The following SLC2A9 variants were observed in gnomAD, a reference collection of about 807,000 sequenced individuals.
SLC2A9 encodes solute carrier family 2 member 9, also known as solute carrier family 2, facilitated glucose transporter member 9.
SLC2A9 carries 39 observed loss-of-function variants against 50.6 expected under a neutral mutation model. The ratio of observed to expected loss-of-function variants is 0.77; its 90% CI spans 0.60 to 1.01. The LOEUF is 1.01. SLC2A9 is among the 50% of genes least tolerant of loss of function. The pLI is 0.00. For missense variants in SLC2A9, 686 were observed against 677.6 expected, an observed-to-expected ratio of 1.01 and a Z score of -0.14; for synonymous variants, 324 against 276.9, an observed-to-expected ratio of 1.17 and a Z score of -1.69.
In SLC2A9 at chr4:10,019,058, G is replaced by T. The variant is rs1220272744; in HGVS notation, c.166C>A (p.Leu56Ile). Residue 56 changes from leucine (L) to isoleucine (I), a missense_variant, in exon 2 of 12, where the codon CTC becomes ATC. Physicochemically the swap from Leu to Ile is conservative, Grantham distance 5 (BLOSUM62 2). Transcript: ENST00000264784. Reference sequence around the variant, plus strand: ...GCGCCCGCGAGGGAGGCCACGAGGAGCGAGCAGGACCAGTCCTGAGGGGAG... The same window carrying T: ...GCGCCCGCGAGGGAGGCCACGAGGATCGAGCAGGACCAGTCCTGAGGGGAG... The part of the protein sequence containing the change: ...GRRRKDWSCS[L>I]LVASLAGAFG... 6.4e-7 allele frequency: 1 copy of T among 1,551,236 alleles called. No individual in the cohort carries two copies. Among genetic ancestry groups the T allele is most frequent in the Middle Eastern group, 1.7e-4 (1 of 5,728 alleles).
intron 10 of SLC2A9, among the ~76,000 whole-genome samples, chr4:9,876,235 C>T (rs1482258225): frequency 6.6e-6 from 1 of 152,132 alleles, no homozygotes; most frequent in Non-Finnish European, 1.5e-5. Context: ...GTTGTTCGTC[C>T]CAAGGGGCCT....
chr4:9,966,866 T>C (rs990640266), intron 5 of SLC2A9, among the ~76,000 whole-genome samples: 5 of 152,228 alleles, frequency 3.3e-5, no homozygotes, highest in Admixed American at 2.6e-4. Flanking sequence ...GGTTTCCTTT[T>C]GCACACATTA....
intron 3 of SLC2A9, among the ~76,000 whole-genome samples, chr4:9,819,935 AAAC>A (rs1033080064): frequency 3.9e-5 from 6 of 152,336 alleles, no homozygotes; most frequent in South Asian, 2.1e-4. Flanking sequence ...CTCCGTCTCA[AAAC>A]AACAACAACA....
At chr4:10,025,753 T>C (rs1254385841), upstream of SLC2A9, 13 of 687,054 alleles carry the variant, frequency 1.9e-5, no homozygotes, top group Non-Finnish European at 3.0e-5. Flanking sequence ...CCATGGCTCC[T>C]TCCCATAGAA....
At chr4:9,914,914 G>C (rs1742569148) in intron 7 of SLC2A9, among the ~76,000 whole-genome samples, 1 of 152,176 alleles carries the variant, frequency 6.6e-6, no homozygotes, top group Non-Finnish European at 1.5e-5. Context: ...TTTAAGAGTG[G>C]CCAGAAAATG....
intron 4 of SLC2A9, among the ~76,000 whole-genome samples, 187 bp downstream of exon 4, chr4:9,985,482 A>G (rs941594371): frequency 2.0e-5 from 3 of 152,154 alleles, no homozygotes; most frequent in African/African-American, 7.2e-5. Flanking sequence ...GGGCTAGAGC[A>G]TCATGAATGG....
intron 10 of SLC2A9, among the ~76,000 whole-genome samples, chr4:9,869,153 A>G (rs1429471878): frequency 6.6e-6 from 1 of 152,236 alleles, no homozygotes. Context: ...CAGAGACAGT[A>G]TAAGTCGGGA....
chr4:9,828,835 C>A (rs559196807), intron 11 of SLC2A9, among the ~76,000 whole-genome samples: 1 of 152,254 alleles, frequency 6.6e-6, no homozygotes, highest in South Asian at 2.1e-4. Context: ...TTCTCCCTAC[C>A]AAGAGGTAAC....
chr4:9,779,761 TC>T, downstream of SLC2A9: 1 of 152,078 alleles, frequency 6.6e-6, no homozygotes, highest in Non-Finnish European at 1.5e-5. Context: ...TCTCTCTCTC[TC>T]TCTCTCCCTC....
chr4:9,886,424 C>CTGTGTGTGTGTGTG (rs59081583), intron 10 of SLC2A9, among the ~76,000 whole-genome samples: 1 of 135,584 alleles, frequency 7.4e-6, no homozygotes, highest in Non-Finnish European at 1.6e-5. Flanking sequence ...CCTCATAGCA[C>CTGTGTGTGTGTGTG]TGTGTGTGTG....
downstream of SLC2A9, among the ~76,000 whole-genome samples, chr4:9,777,078 T>G (rs1717660614): frequency 1.3e-5 from 2 of 152,232 alleles, no homozygotes; most frequent in South Asian, 4.1e-4. Context: ...ATTTTATTTA[T>G]AGCATTTAGC....
chr4:9,870,829 G>A (rs1316574807), intron 10 of SLC2A9, among the ~76,000 whole-genome samples: 1 of 152,194 alleles, frequency 6.6e-6, no homozygotes, highest in Non-Finnish European at 1.5e-5. Context: ...GTGTCCTCAT[G>A]GGGAGAGGAG....
intron 10 of SLC2A9, among the ~76,000 whole-genome samples, chr4:9,847,176 G>A (rs1729116208): frequency 6.6e-6 from 1 of 152,202 alleles, no homozygotes; most frequent in South Asian, 2.1e-4. Context: ...CCTGAGACTG[G>A]GTAATTTATG....
At chr4:9,860,200 G>A (rs1251145712) in intron 10 of SLC2A9, among the ~76,000 whole-genome samples, 1 of 152,136 alleles carries the variant, frequency 6.6e-6, no homozygotes, top group Non-Finnish European at 1.5e-5. Context: ...CTGTCTGCCT[G>A]AAAAATGACT....
chr4:10,013,842 G>T (rs1229186504), intron 2 of SLC2A9, among the ~76,000 whole-genome samples: 1 of 152,172 alleles, frequency 6.6e-6, no homozygotes, highest in East Asian at 1.9e-4. Context: ...CTAACAGCTG[G>T]AAAGGCGAAG....
intron 5 of SLC2A9, among the ~76,000 whole-genome samples, chr4:9,975,577 G>T (rs779978246): frequency 6.6e-6 from 1 of 152,172 alleles, no homozygotes; most frequent in Non-Finnish European, 1.5e-5. Context: ...AGTCAGAAGG[G>T]CTGTGATTAA....
At chr4:9,782,745 C>T (rs748638689) in intron 3 of SLC2A9, 3 of 1,614,038 alleles carry the variant, frequency 1.9e-6, no homozygotes, top group Non-Finnish European at 2.5e-6. Context: ...ATCCCCGTTG[C>T]CATCATGATC....
At chr4:9,981,929 T>G (rs2109107214) in intron 4 of SLC2A9, among the ~76,000 whole-genome samples, 1 of 152,194 alleles carries the variant, frequency 6.6e-6, no homozygotes, top group South Asian at 2.1e-4. Flanking sequence ...TTGCCCAGGC[T>G]GGAGCACAAT....
chr4:9,920,471 C>G lies in SLC2A9; in HGVS notation c.916G>C (p.Glu306Gln), dbSNP rs561513236. 1.9e-6 allele frequency: 3 copies of G among 1,614,178 alleles called. No individual in the cohort carries two copies. Among genetic ancestry groups the G allele is most frequent in the Admixed American group, 3.3e-5 (2 of 60,030 alleles). ...QRSIRLVSVL[E>Q]LLRAPYVRWQ... ...CGGACGTAGGGAGCTCTCAGCAGCT[C>G]CAGCACGGACACCAGGCGGATGCTC... is the stretch of plus-strand genomic sequence containing the variant. The change falls in exon 7 of 12, where the codon GAG becomes CAG. Residue 306 changes from glutamate to glutamine, a missense_variant. Glu to Gln is a conservative substitution (Grantham distance 29). Coordinates refer to ENST00000264784, the MANE Select transcript of SLC2A9 (RefSeq NM_020041.3).
Sources: gnomAD v4.1 joint callset for allele counts (sites outside exome capture counted in the v4.1 genomes callset) on GRCh38, gnomAD v4.1.1 for gene constraint, MANE v1.5 for transcripts, NCBI Gene and HGNC (gene_info 2026-07-23, HGNC 2026-07-21) for gene names.